Variants in C2orf66 observed in about 807,000 individuals in gnomAD.
C2orf66 encodes the protein uncharacterized protein C2orf66.
C2orf66 carries 6 observed loss-of-function variants against 7.0 expected under a neutral mutation model. The observed-to-expected ratio is 0.86, with a 90% confidence interval of 0.47 to 1.69. The LOEUF (loss-of-function observed/expected upper bound fraction) is 1.69, where lower values mean the gene tolerates loss of function less well. C2orf66 is among the 40% of genes most tolerant of loss of function. C2orf66 has a pLI of 0.01. For missense variants in C2orf66, 107 were observed against 112.0 expected, an observed-to-expected ratio of 0.96 and a Z score of 0.20; for synonymous variants, 38 against 43.8, an observed-to-expected ratio of 0.87 and a Z score of 0.52.
At chr2:196,808,962 G>A (rs571703315) in intron 1 of C2orf66, among the ~76,000 whole-genome samples, 5 of 152,270 alleles carry the variant, frequency 3.3e-5, no homozygotes, top group African/African-American at 7.2e-5. Flanking sequence ...CAAATGAATT[G>A]TACTATGTGT....
the C2orf66 span, among the ~76,000 whole-genome samples, chr2:196,822,090 T>C: frequency 6.6e-6 from 1 of 151,892 alleles, no homozygotes; most frequent in African/African-American, 2.4e-5. Context: ...AATTTTTGTA[T>C]TTTTAGTAGA....
At chr2:196,811,037 C>A (rs928100092), upstream of C2orf66, among the ~76,000 whole-genome samples, 1 of 152,154 alleles carries the variant, frequency 6.6e-6, no homozygotes, top group East Asian at 1.9e-4. Context: ...GAAGAAATGA[C>A]CTTACATCCA....
the C2orf66 span, among the ~76,000 whole-genome samples, chr2:196,819,096 C>T: frequency 6.6e-6 from 1 of 152,200 alleles, no homozygotes; most frequent in Admixed American, 6.5e-5. Flanking sequence ...TTCTCCAACC[C>T]TTGTATGCCC....
At chr2:196,818,196 C>T in the C2orf66 span, among the ~76,000 whole-genome samples, 451 of 152,320 alleles carry the variant, frequency 3.0e-3, 3 homozygotes, top group African/African-American at 0.01. Context: ...TGACTTCCTG[C>T]GACACCTGAG....
chr2:196,816,856 G>T, the C2orf66 span, among the ~76,000 whole-genome samples: 2 of 152,176 alleles, frequency 1.3e-5, no homozygotes, highest in Admixed American at 6.5e-5. Flanking sequence ...TTCAATGTGG[G>T]TTCTTTCTAT....
At chr2:196,829,337 C>A in the C2orf66 span, among the ~76,000 whole-genome samples, 1 of 152,262 alleles carries the variant, frequency 6.6e-6, no homozygotes, top group South Asian at 2.1e-4. Flanking sequence ...TAATAACATA[C>A]ACAATGCTTT....
At chr2:196,812,387 T>A (rs116012803), upstream of C2orf66, among the ~76,000 whole-genome samples, 913 of 152,280 alleles carry the variant, frequency 6.0e-3, 4 homozygotes, top group African/African-American at 0.021. Context: ...TCAACAACCT[T>A]CATGCTAAAA....
intron 1 of C2orf66, 117 bp from the exon 2 acceptor site, chr2:196,807,739 G>A: frequency 1.3e-6 from 1 of 796,580 alleles, no homozygotes; most frequent in Non-Finnish European, 2.0e-6. Context: ...TAAGAGGCAG[G>A]AAATACAAAA....
chr2:196,826,097 A>G, the C2orf66 span, among the ~76,000 whole-genome samples: 7 of 152,200 alleles, frequency 4.6e-5, no homozygotes, highest in Non-Finnish European at 8.8e-5. Context: ...ACAAAAGAAA[A>G]TAATAAGCAC....
At position 196,807,530 on chromosome 2, in the gene C2orf66, A is replaced by G; in HGVS notation, c.216T>C (p.Pro72=). The change falls in exon 2 of 3, where the codon CCT becomes CCC. Residue 72 remains proline (P), a synonymous_variant. Coordinates refer to ENST00000342506, the MANE Select transcript of C2orf66 (RefSeq NM_213608.3). ...CAGTAAGTTCTGACTGGAAAGAGAG[A>G]GGTCTAGGATTTTCATTCGTGGGGA... ...NPFPTNENPR[P]LSFQSELTAS... is the part of the protein sequence containing the mutation. 6.2e-7 allele frequency: 1 copy of G among 1,613,570 alleles called. No homozygotes were observed. The highest frequency in any genetic ancestry group is 1.7e-4 in the Middle Eastern group (1 of 6,058).
the C2orf66 span, among the ~76,000 whole-genome samples, chr2:196,828,986 A>T: frequency 1.3e-5 from 2 of 152,236 alleles, no homozygotes; most frequent in Non-Finnish European, 2.9e-5. Context: ...CCTACGGAGC[A>T]AATAAATGGG....
the C2orf66 span, among the ~76,000 whole-genome samples, chr2:196,815,118 A>C: frequency 6.6e-6 from 1 of 151,708 alleles, no homozygotes; most frequent in Non-Finnish European, 1.5e-5. Flanking sequence ...GCACACATCA[A>C]CATGGCTGGC....
At chr2:196,816,683 C>T in the C2orf66 span, among the ~76,000 whole-genome samples, 1 of 151,912 alleles carries the variant, frequency 6.6e-6, no homozygotes, top group Non-Finnish European at 1.5e-5. Flanking sequence ...ATGTGTACCC[C>T]CCGAATCTAA....
At chr2:196,815,800 C>A in the C2orf66 span, among the ~76,000 whole-genome samples, 1 of 152,108 alleles carries the variant, frequency 6.6e-6, no homozygotes, top group Non-Finnish European at 1.5e-5. Flanking sequence ...CTTTTCAAAC[C>A]CTTCTTGTCT....
At chr2:196,812,946 G>A (rs1356054304), upstream of C2orf66, among the ~76,000 whole-genome samples, 7 of 152,114 alleles carry the variant, frequency 4.6e-5, no homozygotes, top group South Asian at 1.5e-3. Context: ...CAAACAAATG[G>A]AAAAACATTC....
At chr2:196,819,268 C>T in the C2orf66 span, among the ~76,000 whole-genome samples, 2 of 152,104 alleles carry the variant, frequency 1.3e-5, no homozygotes, top group African/African-American at 2.4e-5. Context: ...TCTTGAAAAC[C>T]TAACCCTAAA....
the C2orf66 span, among the ~76,000 whole-genome samples, chr2:196,819,978 G>GGGAAACTGT: frequency 6.6e-6 from 1 of 152,100 alleles, no homozygotes; most frequent in East Asian, 1.9e-4. Flanking sequence ...ATAGAGACTG[G>GGGAAACTGT]GGAAACTGTG....
the C2orf66 span, among the ~76,000 whole-genome samples, chr2:196,826,278 A>G: frequency 6.6e-6 from 1 of 152,238 alleles, no homozygotes; most frequent in Non-Finnish European, 1.5e-5. Flanking sequence ...GTTGTTGATC[A>G]TGGCACTATT....
At chr2:196,809,368 C>T (rs372008499), upstream of C2orf66, 13 of 1,610,138 alleles carry the variant, frequency 8.1e-6, no homozygotes, top group South Asian at 2.2e-5. Context: ...AGAGGGGATG[C>T]GGGAGCTGTC....
Sources: allele counts gnomAD v4.1 joint callset (sites outside exome capture counted in the v4.1 genomes callset), GRCh38; gene constraint gnomAD v4.1.1; transcripts MANE v1.5; gene names NCBI Gene and HGNC (gene_info 2026-07-23, HGNC 2026-07-21).